RNF212B: variants seen among roughly 807,000 people sequenced by gnomAD.
RNF212B encodes ring finger protein 212B, also known as E3 ubiquitin-protein ligase RNF212B.
A neutral mutation model predicts 55.5 loss-of-function variants in RNF212B; 52 were observed. The observed-to-expected ratio is 0.94, with a 90% CI of 0.75 to 1.18. The LOEUF (loss-of-function observed/expected upper bound fraction) is 1.18. RNF212B is among the 50% of genes most tolerant of loss of function. The probability of loss-of-function intolerance (pLI) is 0.00; values close to 1 mark genes in which losing one functional copy is unlikely to be tolerated. For missense variants in RNF212B, 289 were observed against 350.4 expected (o/e 0.82, Z 1.40); for synonymous variants, 99 against 121.4 (o/e 0.82, Z 1.21).
chr14:23,271,180 A>G (rs1886049823), intron 14 of RNF212B, among the ~76,000 whole-genome samples: 1 of 152,120 alleles, frequency 6.6e-6, no homozygotes, highest in Non-Finnish European at 1.5e-5. Context: ...GGTACATGCC[A>G]GTAATCCCAG....
chr14:23,246,676 C>T (rs1404024526), intron 4 of RNF212B, among the ~76,000 whole-genome samples: 1 of 152,168 alleles, frequency 6.6e-6, no homozygotes, highest in African/African-American at 2.4e-5. Context: ...AGTCCTCCCA[C>T]CTTGCCCTAC....
At position 23,257,408 on chromosome 14, in the gene RNF212B, T is replaced by C. The variant is rs1453862798; in HGVS notation, c.229-1141T>C. Among the ~76,000 whole-genome samples the C allele has an allele frequency of 2.6e-5, 4 of 152,166 alleles. No homozygotes were observed. The East Asian group carries it at 7.7e-4, about 29-fold the overall frequency. ...GTTTAAAAAAATAGACTAGAGTAAATTCTTATCTATCTAAAACTAGTTTAG... is the reference window on the plus strand; with the variant it reads ...GTTTAAAAAAATAGACTAGAGTAAACTCTTATCTATCTAAAACTAGTTTAG... On this transcript the variant is annotated intron_variant, in intron 4 of 14. Coordinates refer to ENST00000430154, the MANE Select transcript of RNF212B (RefSeq NM_001282322.3).
At chr14:23,212,600 G>A (rs1566400608) in intron 2 of RNF212B, among the ~76,000 whole-genome samples, 1 of 151,614 alleles carries the variant, frequency 6.6e-6, no homozygotes, top group African/African-American at 2.4e-5. Flanking sequence ...TTTTGAGACA[G>A]AGTCTCGCTC....
intron 11 of RNF212B, 146 bp downstream of exon 11, chr14:23,264,817 G>GT: frequency 5.5e-6 from 2 of 360,928 alleles, no homozygotes; most frequent in Non-Finnish European, 9.4e-6. Context: ...TATATTACAA[G>GT]GTTTTTTTTT....
At chr14:23,226,393 A>G (rs1228729494) in intron 2 of RNF212B, among the ~76,000 whole-genome samples, 2 of 150,972 alleles carry the variant, frequency 1.3e-5, no homozygotes, top group South Asian at 2.1e-4. Flanking sequence ...CACTTTAGGA[A>G]GCTGTGGCGG....
intron 2 of RNF212B, among the ~76,000 whole-genome samples, chr14:23,197,265 G>A (rs1415960639): frequency 1.3e-5 from 2 of 152,350 alleles, no homozygotes; most frequent in South Asian, 2.1e-4. Context: ...TGTGGCTCAC[G>A]CCTGTAAGCC....
At chr14:23,240,294 A>T in intron 1 of RNF212B, 51 bp from the exon 2 acceptor site, 1 of 1,250,886 alleles carries the variant, frequency 8.0e-7, no homozygotes, top group Non-Finnish European at 1.1e-6. Context: ...GAACAGCTAT[A>T]ATTATGTTAT....
At chr14:23,233,078 C>T (rs1384985383), upstream of RNF212B, among the ~76,000 whole-genome samples, 1 of 152,178 alleles carries the variant, frequency 6.6e-6, no homozygotes, top group Non-Finnish European at 1.5e-5. Flanking sequence ...ATTCTTCTGC[C>T]TTGGGATGCT....
intron 11 of RNF212B, among the ~76,000 whole-genome samples, 184 bp downstream of exon 11, chr14:23,264,855 CTT>C (rs1402530230): frequency 1.4e-5 from 2 of 139,248 alleles, no homozygotes; most frequent in African/African-American, 5.2e-5. Context: ...GAGATTTACT[CTT>C]GTTGCCCAGG....
At chr14:23,240,227 T>C (rs1225964865) in intron 1 of RNF212B, 118 bp from the exon 2 acceptor site, 6 of 651,548 alleles carry the variant, frequency 9.2e-6, no homozygotes, top group East Asian at 8.2e-5. Flanking sequence ...CCCACAATGA[T>C]ATGCCACATC....
upstream of RNF212B, among the ~76,000 whole-genome samples, chr14:23,234,078 T>C (rs1206882719): frequency 1.3e-5 from 2 of 152,030 alleles, no homozygotes; most frequent in Admixed American, 6.6e-5. Context: ...ACTCCAGCCA[T>C]GTATACCATG....
chr14:23,272,876 G>A lies in RNF212B; in HGVS notation c.888G>A (p.Trp296Ter). Reference sequence around the variant, plus strand: ...GATTACCCAGTGGGAGAGAAGCATGGACCACTTCTAGATAGATCATCTTCA... The same window carrying A: ...GATTACCCAGTGGGAGAGAAGCATGAACCACTTCTAGATAGATCATCTTCA... ...HMGLPSGREAWTTSR is the reference protein window; with the variant it reads ...HMGLPSGREA The change falls in exon 15 of 15, where the codon TGG becomes TGA. Residue 296 changes from tryptophan (W) to a stop codon, truncating the protein, a stop_gained. Transcript: ENST00000430154. LOFTEE classifies it high-confidence loss of function. 1 of 1,543,050 alleles carries A rather than the reference G, an allele frequency of 6.5e-7. No individual in the cohort carries two copies.
At chr14:23,201,076 G>C (rs1041910408) in intron 2 of RNF212B, among the ~76,000 whole-genome samples, 3 of 152,132 alleles carry the variant, frequency 2.0e-5, no homozygotes, top group African/African-American at 7.2e-5. Flanking sequence ...CAGAATAAAG[G>C]ATCAGCAACA....
chr14:23,238,780 A>ATCATCATCATCATC (rs1555316079), intron 1 of RNF212B, among the ~76,000 whole-genome samples: 506 of 145,682 alleles, frequency 3.5e-3, no homozygotes, highest in Non-Finnish European at 5.0e-3. Context: ...TAATAATAAT[A>ATCATCATCATCATC]ATCCCACAAA....
chr14:23,201,675 G>A (rs1879300295), intron 2 of RNF212B, among the ~76,000 whole-genome samples: 1 of 152,130 alleles, frequency 6.6e-6, no homozygotes, highest in Non-Finnish European at 1.5e-5. Flanking sequence ...TGGAAAGTTT[G>A]TCAAATATAA....
Position 23,259,388 on chromosome 14 carries a change from G to A in RNF212B, c.345-496G>A, listed in dbSNP as rs186095058. 4 of 148,744 alleles carry A rather than the reference G, an allele frequency of 2.7e-5. No individual in the cohort carries two copies. In the East Asian group the frequency reaches 7.9e-4, roughly 29 times the overall value. 9.2% of individuals were successfully genotyped at this position (148,744 alleles called of 1,614,324 possible). On this transcript the variant is annotated intron_variant, in intron 5 of 14. Coordinates refer to ENST00000430154, the MANE Select transcript of RNF212B (RefSeq NM_001282322.3). Reference sequence around the variant, plus strand: ...ATTTTTTTTTTTTTTTTGTAGAGAGGAGTCTCTGCATATTGCCCAGGCTGG... The same window carrying A: ...ATTTTTTTTTTTTTTTTGTAGAGAGAAGTCTCTGCATATTGCCCAGGCTGG...
At chr14:23,219,496 C>T (rs1441459944) in intron 2 of RNF212B, among the ~76,000 whole-genome samples, 1 of 148,608 alleles carries the variant, frequency 6.7e-6, no homozygotes, top group Non-Finnish European at 1.5e-5. Flanking sequence ...TTTTTTGAGA[C>T]AGTCTCACTC....
At chr14:23,201,563 T>G (rs1398170043) in intron 2 of RNF212B, among the ~76,000 whole-genome samples, 1 of 152,212 alleles carries the variant, frequency 6.6e-6, no homozygotes, top group Non-Finnish European at 1.5e-5. Context: ...TGTATAATTT[T>G]TATACCAAAT....
At chr14:23,260,004 C>A in intron 6 of RNF212B, 60 bp downstream of exon 6, 4 of 821,732 alleles carry the variant, frequency 4.9e-6, no homozygotes, top group Non-Finnish European at 7.6e-6. Flanking sequence ...ATCTATCTAG[C>A]TGACTGTATA....
Sources: allele counts gnomAD v4.1 joint callset (sites outside exome capture counted in the v4.1 genomes callset), GRCh38; gene constraint gnomAD v4.1.1; transcripts MANE v1.5; gene names NCBI Gene and HGNC (gene_info 2026-07-23, HGNC 2026-07-21).